Variants in CRACDL observed in about 807,000 individuals in gnomAD.
The protein encoded by CRACDL is CRACD-like protein.
In CRACDL, 26 loss-of-function variants were observed where a neutral mutation model predicts 70.6. That is an observed-to-expected ratio of 0.37 (90% CI 0.27 to 0.51). The LOEUF is 0.51. Among genes scored for constraint, CRACDL ranks in the 20% least tolerant of loss-of-function variants. The pLI, the probability that CRACDL is intolerant of heterozygous loss-of-function variation, is 0.94. For synonymous variants in CRACDL, 618 were observed against 615.2 expected, an observed-to-expected ratio of 1.00 and a Z score of -0.07; for missense variants, 1,283 against 1,376.9, an observed-to-expected ratio of 0.93 and a Z score of 1.08.
At position 98,823,620 on chromosome 2, in the gene CRACDL, T is replaced by A; in HGVS notation, c.736-83A>T. 1 of 1,502,390 alleles carries A rather than the reference T, an allele frequency of 6.7e-7. No homozygotes were observed. The highest frequency in any genetic ancestry group is 8.9e-7 in the Non-Finnish European group (1 of 1,117,412). 93.1% of individuals were successfully genotyped at this position (1,502,390 alleles called of 1,614,324 possible). ...ACCTCCCCACTTTTTTCAAGGCTTATAATGGTTTAGTGATAGCAGCACTAT... is the reference window on the plus strand; with the variant it reads ...ACCTCCCCACTTTTTTCAAGGCTTAAAATGGTTTAGTGATAGCAGCACTAT... On this transcript the variant is annotated intron_variant, in intron 6 of 9. Coordinates refer to ENST00000397899, the MANE Select transcript of CRACDL (RefSeq NM_207362.3). The surrounding 1 kb of genome is among the most constrained non-coding windows in gnomAD (Gnocchi z 4.0).
chr2:98,921,236 G>C (rs1708795132), intron 1 of CRACDL, among the ~76,000 whole-genome samples: 1 of 152,230 alleles, frequency 6.6e-6, no homozygotes, highest in Non-Finnish European at 1.5e-5. Flanking sequence ...TGCAAAGCTT[G>C]TTAAGCCCCA....
chr2:98,865,262 C>G (rs150543377), intron 1 of CRACDL, among the ~76,000 whole-genome samples: 13 of 152,244 alleles, frequency 8.5e-5, no homozygotes, highest in African/African-American at 2.6e-4. Flanking sequence ...GGTCTTACTC[C>G]TACTCATCCT....
At chr2:98,819,458 A>C (rs1417342905) in intron 7 of CRACDL, among the ~76,000 whole-genome samples, 2 of 152,230 alleles carry the variant, frequency 1.3e-5, no homozygotes, top group East Asian at 3.8e-4. Context: ...GGAAATCTGC[A>C]GAGTGGATCG....
intron 1 of CRACDL, among the ~76,000 whole-genome samples, chr2:98,933,030 C>A (rs898744479): frequency 1.3e-5 from 2 of 152,186 alleles, no homozygotes; most frequent in African/African-American, 4.8e-5. Context: ...GAGCTCAGAA[C>A]AGTAGAAATG....
intron 1 of CRACDL, among the ~76,000 whole-genome samples, chr2:98,928,556 T>G (rs1009822332): frequency 6.6e-6 from 1 of 152,074 alleles, no homozygotes; most frequent in East Asian, 1.9e-4. Context: ...GTCTGGTCTA[T>G]AGGGCTTCCT....
chr2:98,855,738 T>G (rs1434642377), intron 1 of CRACDL, among the ~76,000 whole-genome samples: 1 of 152,110 alleles, frequency 6.6e-6, no homozygotes, highest in Non-Finnish European at 1.5e-5. Context: ...CTTAAAGAGT[T>G]AAAAGAAGGG....
intron 5 of CRACDL, among the ~76,000 whole-genome samples, chr2:98,828,611 C>G (rs577030349): frequency 6.6e-6 from 1 of 152,210 alleles, no homozygotes; most frequent in Admixed American, 6.5e-5. Flanking sequence ...GGCTTCGATA[C>G]GGGAGGAACA....
At chr2:98,887,290 G>A (rs1386424320) in intron 1 of CRACDL, among the ~76,000 whole-genome samples, 3 of 152,124 alleles carry the variant, frequency 2.0e-5, no homozygotes, top group Admixed American at 6.5e-5. Context: ...TTCAAGACCA[G>A]CTTGGGCAAC....
At chr2:98,803,051 G>A (rs1401992541) in intron 7 of CRACDL, among the ~76,000 whole-genome samples, 1 of 149,522 alleles carries the variant, frequency 6.7e-6, no homozygotes, top group Non-Finnish European at 1.5e-5. Flanking sequence ...CCAGGCTGGA[G>A]TGCAGTGGCG....
chr2:98,901,005 A>T (rs1248089199), intron 1 of CRACDL, among the ~76,000 whole-genome samples: 1 of 152,206 alleles, frequency 6.6e-6, no homozygotes, highest in African/African-American at 2.4e-5. Context: ...CCTTCCCCTC[A>T]CTTAGGACAG....
intron 1 of CRACDL, among the ~76,000 whole-genome samples, chr2:98,886,982 GA>G (rs1372833495): frequency 2.0e-5 from 3 of 152,168 alleles, no homozygotes; most frequent in Admixed American, 2.0e-4. Context: ...AGGAGAGTAT[GA>G]GAATGATGCC....
rs373487964 is a variant in CRACDL, at chr2:98,908,975, C to G, written c.-11+26963G>C. Among the ~76,000 whole-genome samples, 6 of 152,216 alleles carry G rather than the reference C, an allele frequency of 3.9e-5. No homozygotes were observed. In the East Asian group the frequency reaches 7.7e-4, roughly 20 times the overall value. ...CAGAGGTCTACACACGGAAAAAGCC[C>G]ACTGCCCCAAACTTGTCTTGCCCAG... On this transcript the variant is annotated intron_variant, in intron 1 of 9. Coordinates refer to ENST00000397899, the MANE Select transcript of CRACDL (RefSeq NM_207362.3).
At position 98,842,287 on chromosome 2, in the gene CRACDL, G is replaced by A. The variant is rs779199348; in HGVS notation, c.71-4000C>T. On this transcript the variant is annotated intron_variant, in intron 2 of 9. Coordinates refer to ENST00000397899, the MANE Select transcript of CRACDL (RefSeq NM_207362.3). ...TGATGTAATCTGTTGTTATAACCAC[G>A]CATTTTAATAATTACATTTATTTTA... 9.3e-5 allele frequency among the ~76,000 whole-genome samples: 14 copies of A among 151,212 alleles called. No individual in the cohort carries two copies. The South Asian group carries it at 1.9e-3, about 20-fold the overall frequency.
At chr2:98,799,451 T>TCCC (rs1703982063) in intron 7 of CRACDL, among the ~76,000 whole-genome samples, 1 of 151,718 alleles carries the variant, frequency 6.6e-6, no homozygotes, top group Non-Finnish European at 1.5e-5. Flanking sequence ...CAGGGACGGC[T>TCCC]CTCACTCCTT....
At chr2:98,925,226 G>A (rs187656868) in intron 1 of CRACDL, among the ~76,000 whole-genome samples, 2 of 152,192 alleles carry the variant, frequency 1.3e-5, no homozygotes, top group Non-Finnish European at 2.9e-5. Context: ...GGAATGAAGG[G>A]CCCCTCCCTT....
chr2:98,831,959 A>G (rs921002384), intron 5 of CRACDL, among the ~76,000 whole-genome samples: 1 of 152,100 alleles, frequency 6.6e-6, no homozygotes, highest in Admixed American at 6.5e-5. Context: ...CAACTATCAC[A>G]TGCTCACTAC....
At chr2:98,798,076 G>A (rs1429578783) in intron 7 of CRACDL, among the ~76,000 whole-genome samples, 1 of 152,206 alleles carries the variant, frequency 6.6e-6, no homozygotes, top group Admixed American at 6.5e-5. Flanking sequence ...GGGTGCGGTG[G>A]CGCATGCCTG....
At chr2:98,814,613 A>G (rs1559207620) in intron 7 of CRACDL, among the ~76,000 whole-genome samples, 1 of 152,170 alleles carries the variant, frequency 6.6e-6, no homozygotes, top group South Asian at 2.1e-4. Context: ...TCCCATGTGC[A>G]CTTGAAAAGA....
intron 1 of CRACDL, among the ~76,000 whole-genome samples, chr2:98,895,713 C>G (rs1233031399): frequency 1.3e-5 from 2 of 152,130 alleles, no homozygotes; most frequent in African/African-American, 4.8e-5. Flanking sequence ...TGATCAAATT[C>G]AACTGTGAGG....
Sources: gnomAD v4.1 joint callset for allele counts (sites outside exome capture counted in the v4.1 genomes callset) on GRCh38, gnomAD v4.1.1 for gene constraint, Gnocchi (gnomAD v3.1) non-coding constraint, MANE v1.5 for transcripts, NCBI Gene and HGNC (gene_info 2026-07-23, HGNC 2026-07-21) for gene names.